The following HNRNPA2B1 variants were observed in gnomAD, a reference collection of about 807,000 sequenced individuals.
The protein encoded by HNRNPA2B1 is heterogeneous nuclear ribonucleoprotein A2/B1.
In HNRNPA2B1, 3 loss-of-function variants were observed where a neutral mutation model predicts 46.3. The ratio of observed to expected loss-of-function variants is 0.06; its 90% confidence interval spans 0.03 to 0.17. HNRNPA2B1 has a LOEUF of 0.17. Among genes scored for constraint, HNRNPA2B1 ranks in the 10% least tolerant of loss-of-function variants. HNRNPA2B1 has a pLI of 1.00. For synonymous variants in HNRNPA2B1, 225 were observed against 133.8 expected, an observed-to-expected ratio of 1.68 and a Z score of -4.70; for missense variants, 221 against 418.9, an observed-to-expected ratio of 0.53 and a Z score of 4.12.
chr7:26,197,619 T>C lies in HNRNPA2B1; in HGVS notation c.117+3A>G. The C allele has an allele frequency of 6.2e-7, 1 of 1,601,630 alleles. No homozygotes were observed. The highest frequency in any genetic ancestry group is 8.6e-7 in the Non-Finnish European group (1 of 1,169,146). Reference sequence around the variant, plus strand: ...TCCAGTAACAATTCAGTAATTTACATACCACACAGTCTGTAAGCTTTCCCC... The same window carrying C: ...TCCAGTAACAATTCAGTAATTTACACACCACACAGTCTGTAAGCTTTCCCC... On this transcript the variant is annotated splice_donor_region_variant and intron_variant, in intron 2 of 10. Transcript: ENST00000618183.
chr7:26,196,297 G>T (rs563756260), intron 6 of HNRNPA2B1, 104 bp downstream of exon 6: 2 of 935,284 alleles, frequency 2.1e-6, no homozygotes, highest in South Asian at 3.3e-5. Context: ...GAAGTCTTAG[G>T]AAAATTGACT....
In HNRNPA2B1 at chr7:26,195,918, G is replaced by T. The variant is rs753342691; in HGVS notation, c.659-9C>A. 6.3e-7 allele frequency: 1 copy of T among 1,597,346 alleles called. No homozygotes were observed. The highest frequency in any genetic ancestry group is 2.2e-5 in the East Asian group (1 of 44,604). Reference sequence around the variant, plus strand: ...TCCACTGCCATATCCATCTGTTAGGGGCCAAAAAAAGATTACGTTTACTAT... The same window carrying T: ...TCCACTGCCATATCCATCTGTTAGGTGCCAAAAAAAGATTACGTTTACTAT... On this transcript the variant is annotated splice_polypyrimidine_tract_variant and intron_variant, in intron 6 of 10. Transcript: ENST00000618183.
intron 1 of HNRNPA2B1, chr7:26,199,570 A>C (rs1784109939): frequency 6.6e-6 from 1 of 152,228 alleles, no homozygotes; most frequent in Admixed American, 6.5e-5. Flanking sequence ...AAAATGAGTC[A>C]GCTCTACAAC....
Position 26,193,434 on chromosome 7 carries a change from G to C in HNRNPA2B1, c.842-61C>G, listed in dbSNP as rs907354506. On this transcript the variant is annotated intron_variant, in intron 8 of 10. Transcript: ENST00000618183. ...CATTAAACCAAGGACTTAGGACAAAGCTCCCATAAAAACAAATAAAAGCAA... is the reference window on the plus strand; with the variant it reads ...CATTAAACCAAGGACTTAGGACAAACCTCCCATAAAAACAAATAAAAGCAA... 7 of 1,552,346 alleles carry C rather than the reference G, an allele frequency of 4.5e-6. No individual in the cohort carries two copies. The African/African-American group carries it at 5.5e-5, about 12-fold the overall frequency.
chr7:26,197,179 A>T (rs1474856077), intron 3 of HNRNPA2B1, 136 bp downstream of exon 3: 2 of 1,213,452 alleles, frequency 1.6e-6, no homozygotes, highest in Non-Finnish European at 2.3e-6. Context: ...CTAGCTTAAG[A>T]AAATGGTCCA....
intron 1 of HNRNPA2B1, 106 bp downstream of exon 1, chr7:26,200,466 C>A: frequency 8.6e-7 from 1 of 1,156,350 alleles, no homozygotes; most frequent in South Asian, 1.2e-5. Flanking sequence ...CTGAATTGGT[C>A]CGATTTCCTG....
intron 4 of HNRNPA2B1, 37 bp from the exon 5 acceptor site, chr7:26,196,695 C>G: frequency 6.3e-7 from 1 of 1,583,942 alleles, no homozygotes; most frequent in African/African-American, 1.4e-5. Flanking sequence ...TAAATTAAAT[C>G]AACAATATTA....
chr7:26,192,481 CAA>C lies in HNRNPA2B1; in HGVS notation c.*21+12_*21+13del. ...CCAAGATAATAATAATTGTAAAACTCAAAAGCTACTTACCCATGGCAAATAGG... is the reference window on the plus strand; with the variant it reads ...CCAAGATAATAATAATTGTAAAACTCAAGCTACTTACCCATGGCAAATAGG... On this transcript the variant is annotated intron_variant, in intron 10 of 10. Transcript: ENST00000618183. 8 of 1,564,298 alleles carry C rather than the reference CAA, an allele frequency of 5.1e-6. No individual in the cohort carries two copies. The highest frequency in any genetic ancestry group is 2.2e-5 in the East Asian group (1 of 44,608).
rs1321052921 is a variant in HNRNPA2B1, at chr7:26,193,277, C to T, written c.938G>A (p.Arg313Lys). Residue 313 changes from arginine to lysine, a missense_variant, in exon 9 of 11, where the codon AGG (arginine) becomes AAG (lysine). Physicochemically the swap from Arg to Lys is conservative, Grantham distance 26 (BLOSUM62 2). Transcript: ENST00000618183. ...PMKSGNFGGS[R>K]NMGGPYGGGN... ...TCCACCATATGGTCCCCCCATGTTCCTGCTACCACCAAAGTTTCCACTCTT... is the reference window on the plus strand; with the variant it reads ...TCCACCATATGGTCCCCCCATGTTCTTGCTACCACCAAAGTTTCCACTCTT... 3.7e-6 allele frequency: 6 copies of T among 1,613,678 alleles called. No individual in the cohort carries two copies. The highest frequency in any genetic ancestry group is 5.1e-6 in the Non-Finnish European group (6 of 1,179,790).
chr7:26,193,697 A>G lies in HNRNPA2B1; in HGVS notation c.722-3T>C. 1.2e-6 allele frequency: 2 copies of G among 1,610,758 alleles called. No individual in the cohort carries two copies. The highest frequency in any genetic ancestry group is 4.5e-5 in the East Asian group (2 of 44,818). The stretch of plus-strand genomic sequence containing the variant: ...GGGGCTACCTCCAAAATTGCCACCT[A>G]TTATAAAATAAGCCTTTAAGTAATC... On this transcript the variant is annotated splice_region_variant and splice_polypyrimidine_tract_variant and intron_variant, in intron 7 of 10. Coordinates refer to ENST00000618183, the MANE Select transcript of HNRNPA2B1 (RefSeq NM_002137.4).
Position 26,200,639 on chromosome 7 carries a change from G to T in HNRNPA2B1, c.-62C>A. On this transcript the variant is annotated 5_prime_UTR_variant, in exon 1 of 11. Transcript: ENST00000618183. ...CGAGCGAGATGAGAGAGATCTCCGC[G>T]GACGAACACGAACCGGACTCGTCCT... is the stretch of plus-strand genomic sequence containing the variant. The T allele has an allele frequency of 1.9e-6, 3 of 1,610,452 alleles. No homozygotes were observed. Among genetic ancestry groups the T allele is most frequent in the Non-Finnish European group, 2.5e-6 (3 of 1,178,024 alleles).
At chr7:26,197,231 A>G (rs1783747863) in intron 3 of HNRNPA2B1, 84 bp downstream of exon 3, 9 of 1,457,416 alleles carry the variant, frequency 6.2e-6, no homozygotes, top group Non-Finnish European at 6.5e-6. Context: ...ATCTTGAGTT[A>G]AAACTAAATT....
At chr7:26,194,054 C>G (rs774977123) in intron 7 of HNRNPA2B1, among the ~76,000 whole-genome samples, 1 of 152,098 alleles carries the variant, frequency 6.6e-6, no homozygotes, top group Non-Finnish European at 1.5e-5. Context: ...CCTACTGGCC[C>G]AAAAGATAAA....
chr7:26,198,691 T>G (rs372685207), intron 1 of HNRNPA2B1: 4 of 152,252 alleles, frequency 2.6e-5, no homozygotes, highest in African/African-American at 4.8e-5. Flanking sequence ...CACTTATGAA[T>G]GTTAAGGAAA....
At position 26,200,395 on chromosome 7, in the gene HNRNPA2B1, C is replaced by G. The variant is rs1485882275; in HGVS notation, c.6+177G>C. The G allele has an allele frequency of 1.6e-5, 11 of 703,726 alleles. No individual in the cohort carries two copies. The African/African-American group carries it at 1.7e-4, about 11-fold the overall frequency. 43.6% of individuals were successfully genotyped at this position (703,726 alleles called of 1,614,324 possible). On this transcript the variant is annotated intron_variant, in intron 1 of 10. Coordinates refer to ENST00000618183, the MANE Select transcript of HNRNPA2B1 (RefSeq NM_002137.4). ...CGCCGGGAGGCTGAGGGTGGGGAAG[C>G]TGTTTGTACGCTCAGGCCTCCGCTC...
At chr7:26,197,509 A>C in intron 2 of HNRNPA2B1, 48 bp from the exon 3 acceptor site, 1 of 1,594,896 alleles carries the variant, frequency 6.3e-7, no homozygotes, top group Non-Finnish European at 8.6e-7. Context: ...ATTATAGCTT[A>C]TAAGTGAAGT....
intron 7 of HNRNPA2B1, 91 bp downstream of exon 7, chr7:26,195,756 T>A (rs905068209): frequency 5.7e-6 from 8 of 1,405,572 alleles, no homozygotes; most frequent in Non-Finnish European, 6.7e-6. Context: ...TAATATAAAA[T>A]GTTTAAAAAC....
intron 7 of HNRNPA2B1, among the ~76,000 whole-genome samples, chr7:26,195,115 C>T (rs1409206774): frequency 8.2e-6 from 1 of 122,186 alleles, no homozygotes; most frequent in Admixed American, 8.1e-5. Flanking sequence ...AAAAAAGAAA[C>T]CATATTAAAA....
rs367754376 is a variant in HNRNPA2B1 at position 26,196,701 on chromosome 7, T to C, written c.476-43A>G. 19 of 1,576,632 alleles carry C rather than the reference T, an allele frequency of 1.2e-5. No homozygotes were observed. In the African/African-American group the frequency reaches 1.9e-4, roughly 16 times the overall value. On this transcript the variant is annotated intron_variant, in intron 4 of 10. Transcript: ENST00000618183. Reference sequence around the variant, plus strand: ...GACTCCTTTTAAATTAAATCAACAATATTAAGCAGCTTCAAAAGTTTACCT... The same window carrying C: ...GACTCCTTTTAAATTAAATCAACAACATTAAGCAGCTTCAAAAGTTTACCT...
Sources: gnomAD v4.1 joint callset for allele counts (sites outside exome capture counted in the v4.1 genomes callset) on GRCh38, gnomAD v4.1.1 for gene constraint, MANE v1.5 for transcripts, NCBI Gene and HGNC (gene_info 2026-07-23, HGNC 2026-07-21) for gene names.